The following DSCAML1 variants were observed in gnomAD, a reference collection of about 807,000 sequenced individuals.
DSCAML1 encodes cell adhesion molecule DSCAML1.
A neutral mutation model predicts 200.5 loss-of-function variants in DSCAML1; 38 were observed. That is an observed-to-expected ratio of 0.19 (90% CI 0.15 to 0.25). The LOEUF (loss-of-function observed/expected upper bound fraction) is 0.25. Among genes scored for constraint, DSCAML1 ranks in the 10% least tolerant of loss-of-function variants. The pLI is 1.00. For missense variants in DSCAML1, 2,223 were observed against 2,858.8 expected, an observed-to-expected ratio of 0.78 and a Z score of 5.07; for synonymous variants, 1,215 against 1,165.0, an observed-to-expected ratio of 1.04 and a Z score of -0.87.
chr11:117,812,977 C>T (rs1250566819), intron 1 of DSCAML1, among the ~76,000 whole-genome samples: 1 of 152,062 alleles, frequency 6.6e-6, no homozygotes, highest in African/African-American at 2.4e-5. Context: ...AAGGCCACCA[C>T]AGTCATTTCT....
intron 6 of DSCAML1, among the ~76,000 whole-genome samples, chr11:117,520,012 A>G (rs969964778): frequency 3.9e-5 from 6 of 152,334 alleles, no homozygotes; most frequent in African/African-American, 1.4e-4. Flanking sequence ...TGTTACGACA[A>G]ATCCTTAGAA....
intron 1 of DSCAML1, among the ~76,000 whole-genome samples, chr11:117,809,705 G>C (rs1473284165): frequency 1.3e-5 from 2 of 152,208 alleles, no homozygotes; most frequent in Non-Finnish European, 2.9e-5. Context: ...ACAGACCTCT[G>C]ATTCTCAGCT....
intron 14 of DSCAML1, among the ~76,000 whole-genome samples, chr11:117,473,707 C>A (rs180981002): frequency 3.9e-5 from 6 of 152,270 alleles, no homozygotes; most frequent in Non-Finnish European, 5.9e-5. Context: ...GCATTTAATT[C>A]TTTGGTTTCA....
chr11:117,784,212 C>T (rs564028596), intron 1 of DSCAML1, among the ~76,000 whole-genome samples: 2 of 152,144 alleles, frequency 1.3e-5, no homozygotes, highest in Non-Finnish European at 2.9e-5. Flanking sequence ...TTCATTTCTG[C>T]GTATGGCTCT....
Position 117,515,897 on chromosome 11 carries a change from C to T in DSCAML1, c.1783+570G>A, listed in dbSNP as rs118024610. ...GCCTCCCAAAGTGCTGGGATTACAACGTGAGCCACTGTGCCCGGCCTGAGG... is the reference window on the plus strand; with the variant it reads ...GCCTCCCAAAGTGCTGGGATTACAATGTGAGCCACTGTGCCCGGCCTGAGG... On this transcript the variant is annotated intron_variant, in intron 8 of 32. Transcript: ENST00000651296. Among the ~76,000 whole-genome samples, 1,195 of 152,160 alleles carry T rather than the reference C, an allele frequency of 7.9e-3. 10 individuals carry two copies. The highest frequency in any genetic ancestry group is 0.014 in the Non-Finnish European group (938 of 67,984).
chr11:117,590,688 C>T (rs935870100), intron 3 of DSCAML1, among the ~76,000 whole-genome samples: 3 of 152,188 alleles, frequency 2.0e-5, no homozygotes, highest in Non-Finnish European at 4.4e-5. Flanking sequence ...GACTAAAGAA[C>T]TGCAGCAGAA....
At chr11:117,777,999 C>A (rs1036963273) in intron 2 of DSCAML1, among the ~76,000 whole-genome samples, 1 of 152,172 alleles carries the variant, frequency 6.6e-6, no homozygotes, top group African/African-American at 2.4e-5. Flanking sequence ...CCTCTCCCTG[C>A]CATGGTTGCC....
At chr11:117,700,769 T>G (rs964303283) in intron 3 of DSCAML1, among the ~76,000 whole-genome samples, 1 of 152,188 alleles carries the variant, frequency 6.6e-6, no homozygotes. Flanking sequence ...GGGTAGAAGC[T>G]GTAATGTGAA....
chr11:117,670,088 TG>T (rs1312527040), intron 3 of DSCAML1, among the ~76,000 whole-genome samples: 2 of 152,226 alleles, frequency 1.3e-5, no homozygotes, highest in Non-Finnish European at 2.9e-5. Flanking sequence ...CTGTGATGCT[TG>T]GCTCTTCCTC....
chr11:117,695,272 A>T (rs2053566565), intron 3 of DSCAML1, among the ~76,000 whole-genome samples: 1 of 152,016 alleles, frequency 6.6e-6, no homozygotes, highest in Admixed American at 6.6e-5. Flanking sequence ...CTCTGTCCTA[A>T]ATAACAGGGC....
intron 11 of DSCAML1, among the ~76,000 whole-genome samples, chr11:117,482,992 G>C (rs545372209): frequency 8.9e-4 from 136 of 152,334 alleles, no homozygotes; most frequent in African/African-American, 3.0e-3. Context: ...TCCACAAGCA[G>C]TGCTAACAGG....
chr11:117,654,254 T>G (rs1361164330), intron 3 of DSCAML1, among the ~76,000 whole-genome samples: 1 of 152,074 alleles, frequency 6.6e-6, no homozygotes, highest in Non-Finnish European at 1.5e-5. Context: ...GTGATAAAAG[T>G]TTTCTAACAT....
intron 20 of DSCAML1, among the ~76,000 whole-genome samples, chr11:117,446,596 A>C (rs2048181991): frequency 6.6e-6 from 1 of 152,256 alleles, no homozygotes; most frequent in Non-Finnish European, 1.5e-5. Flanking sequence ...CAACCTAACT[A>C]GTAACCAAAG....
intron 3 of DSCAML1, among the ~76,000 whole-genome samples, chr11:117,612,206 C>T (rs373845873): frequency 3.7e-4 from 56 of 152,304 alleles, no homozygotes; most frequent in Admixed American, 6.5e-4. Flanking sequence ...CTTTTAGAGA[C>T]GCTTTCCAGA....
intron 3 of DSCAML1, among the ~76,000 whole-genome samples, chr11:117,652,829 A>G (rs2052661572): frequency 6.6e-6 from 1 of 152,086 alleles, no homozygotes; most frequent in Non-Finnish European, 1.5e-5. Flanking sequence ...CTGGCTTGGC[A>G]TGGTCTTTCA....
At chr11:117,691,244 C>T (rs1414389921) in intron 3 of DSCAML1, among the ~76,000 whole-genome samples, 2 of 152,072 alleles carry the variant, frequency 1.3e-5, no homozygotes, top group South Asian at 2.1e-4. Context: ...GGGAGATGGA[C>T]CTCCCTGAAA....
chr11:117,557,290 C>T (rs1352005802), intron 3 of DSCAML1, among the ~76,000 whole-genome samples: 2 of 152,140 alleles, frequency 1.3e-5, no homozygotes, highest in East Asian at 3.9e-4. Context: ...ACACTTAATA[C>T]CAGTCTGGGC....
intron 3 of DSCAML1, among the ~76,000 whole-genome samples, chr11:117,753,205 T>G (rs1259006829): frequency 6.6e-6 from 1 of 152,204 alleles, no homozygotes; most frequent in Non-Finnish European, 1.5e-5. Flanking sequence ...ACAGAGCACT[T>G]AGCACAGTGC....
chr11:117,776,606 C>T lies in DSCAML1; in HGVS notation c.511+185G>A, dbSNP rs964561109. Among the ~76,000 whole-genome samples the T allele has an allele frequency of 7.2e-5, 11 of 152,048 alleles. No individual in the cohort carries two copies. The Middle Eastern group carries it at 0.024, about 329-fold the overall frequency. ...GAGTCTTCAACACCCCACAGAGAGA[C>T]GTGCCAGACCAAGACCAAAGACTTT... On this transcript the variant is annotated intron_variant, in intron 3 of 32. Coordinates refer to ENST00000651296, the MANE Select transcript of DSCAML1 (RefSeq NM_020693.4).
Sources: allele counts gnomAD v4.1 joint callset (sites outside exome capture counted in the v4.1 genomes callset), GRCh38; gene constraint gnomAD v4.1.1; transcripts MANE v1.5; gene names NCBI Gene and HGNC (gene_info 2026-07-23, HGNC 2026-07-21).